MORN2: variants seen among roughly 807,000 people sequenced by gnomAD.
The protein encoded by MORN2 is MORN repeat containing 2.
In MORN2, 15 loss-of-function variants were observed where a neutral mutation model predicts 13.4. The ratio of observed to expected loss-of-function variants is 1.12; its 90% CI spans 0.75 to 1.72. The LOEUF (loss-of-function observed/expected upper bound fraction) is 1.72. MORN2 is among the 40% of genes most tolerant of loss of function. The probability of loss-of-function intolerance (pLI) is 0.00; values close to 1 mark genes in which losing one functional copy is unlikely to be tolerated. For synonymous variants in MORN2, 46 were observed against 43.6 expected (o/e 1.06, Z -0.22); for missense variants, 168 against 134.6 (o/e 1.25, Z -1.23).
chr2:38,882,341 C>A, intron 4 of MORN2, 72 bp from the exon 5 acceptor site: 2 of 887,636 alleles, frequency 2.3e-6, no homozygotes, highest in South Asian at 1.7e-5. Flanking sequence ...ATATATTATG[C>A]TAGAAAATCT....
chr2:38,881,221 C>G (rs534494065), intron 3 of MORN2, among the ~76,000 whole-genome samples: 1 of 152,086 alleles, frequency 6.6e-6, no homozygotes, highest in Non-Finnish European at 1.5e-5. Flanking sequence ...CCCTGATGTT[C>G]AAATGTCCCA....
intron 3 of MORN2, 122 bp downstream of exon 3, chr2:38,880,828 A>G: frequency 2.9e-6 from 3 of 1,048,232 alleles, no homozygotes; most frequent in Non-Finnish European, 4.0e-6. Context: ...AAAATAACAA[A>G]TGATCATATT....
At chr2:38,881,629 G>A (rs1665779506) in intron 4 of MORN2, 51 bp downstream of exon 4, 1 of 1,336,180 alleles carries the variant, frequency 7.5e-7, no homozygotes, top group Non-Finnish European at 1.0e-6. Flanking sequence ...ATTATTTTCT[G>A]GTATGTTTGC....
In MORN2 at chr2:38,882,639, AC is replaced by A; in HGVS notation, c.*126del. 1 of 566,836 alleles carries A rather than the reference AC, an allele frequency of 1.8e-6. No homozygotes were observed. Among genetic ancestry groups the A allele is most frequent in the South Asian group, 2.6e-5 (1 of 38,846 alleles). 35.1% of individuals were successfully genotyped at this position (566,836 alleles called of 1,614,324 possible). A position where few individuals can be genotyped will look rare whatever the true frequency, so the allele number is the denominator to read the frequency against. ...CTATAAGTTTGCCAATAAAACCATC[AC>A]CTGCTTACACCTTTTTGAACTTTAT... On this transcript the variant is annotated 3_prime_UTR_variant, in exon 5 of 5. Coordinates refer to ENST00000644631, the MANE Select transcript of MORN2 (RefSeq NM_001145450.3).
At position 38,882,652 on chromosome 2, in the gene MORN2, T is replaced by G. The variant is rs1173004385; in HGVS notation, c.*137T>G. The G allele has an allele frequency of 1.9e-6, 1 of 523,452 alleles. No homozygotes were observed. Among genetic ancestry groups the G allele is most frequent in the African/African-American group, 1.9e-5 (1 of 52,494 alleles). The allele number at this position is 523,452 out of a possible 1,614,324, so 32.4% of individuals were successfully genotyped here. A position where few individuals can be genotyped will look rare whatever the true frequency, so the allele number is the denominator to read the frequency against. On this transcript the variant is annotated 3_prime_UTR_variant, in exon 5 of 5. Coordinates refer to ENST00000644631, the MANE Select transcript of MORN2 (RefSeq NM_001145450.3). ...AATAAAACCATCACCTGCTTACACC[T>G]TTTTGAACTTTATATTCATTGTCTT...
intron 1 of MORN2, chr2:38,876,311 C>A (rs1045501537): frequency 2.6e-6 from 1 of 391,334 alleles, no homozygotes; most frequent in African/African-American, 2.1e-5. Context: ...TTGAGACACC[C>A]GAGGCGCGTG....
chr2:38,878,674 A>G (rs868740971), intron 1 of MORN2, among the ~76,000 whole-genome samples: 1 of 151,906 alleles, frequency 6.6e-6, no homozygotes, highest in Non-Finnish European at 1.5e-5. Context: ...TATTTCACCA[A>G]TTATATTATT....
At position 38,882,570 on chromosome 2, in the gene MORN2, A is replaced by T; in HGVS notation, c.*55A>T. 1 of 1,290,188 alleles carries T rather than the reference A, an allele frequency of 7.8e-7. No individual in the cohort carries two copies. The highest frequency in any genetic ancestry group is 1.3e-5 in the South Asian group (1 of 76,860). 79.9% of individuals were successfully genotyped at this position (1,290,188 alleles called of 1,614,324 possible). A position where few individuals can be genotyped will look rare whatever the true frequency, so the allele number is the denominator to read the frequency against. On this transcript the variant is annotated 3_prime_UTR_variant, in exon 5 of 5. Transcript: ENST00000644631. The stretch of plus-strand genomic sequence containing the variant: ...GTAATTGAAGCTTTTAGTTGTAAGG[A>T]AAGCAACTTAATCTGTTATTTGAAA...
chr2:38,876,051 A>T lies in MORN2; in HGVS notation c.-2A>T. 1 of 398,724 alleles carries T rather than the reference A, an allele frequency of 2.5e-6. No homozygotes were observed. Among genetic ancestry groups the T allele is most frequent in the Non-Finnish European group, 4.4e-6 (1 of 226,152 alleles). 24.7% of individuals were successfully genotyped at this position (398,724 alleles called of 1,614,324 possible). ...GCGCCTAGTTCTCTCCCGGCCGCAG[A>T]GCTGGCCGCCCAGGGGGAGTCGCAG... On this transcript the variant is annotated 5_prime_UTR_variant, in exon 1 of 5. Transcript: ENST00000644631.
In MORN2 at chr2:38,876,074, CAG is replaced by C. The variant is rs1665606166; in HGVS notation, c.25_26del (p.Ser9PhefsTer6). On this transcript the variant is annotated frameshift_variant, in exon 1 of 5. Coordinates refer to ENST00000644631, the MANE Select transcript of MORN2 (RefSeq NM_001145450.3). LOFTEE classifies it high-confidence loss of function. ...AGAGCTGGCCGCCCAGGGGGAGTCG[CAG>C]AGTTTGGAAGATCTCTCTAACACCT... The C allele has an allele frequency of 3.3e-5, 13 of 398,780 alleles. 1 individual carries two copies. The allele number at this position is 398,780 out of a possible 1,614,324, so 24.7% of individuals were successfully genotyped here.
intron 4 of MORN2, among the ~76,000 whole-genome samples, 194 bp from the exon 5 acceptor site, chr2:38,882,219 G>GGT (rs1258113155): frequency 5.6e-5 from 8 of 144,042 alleles, no homozygotes; most frequent in African/African-American, 2.0e-4. Context: ...AATAGTATGT[G>GGT]GTTTTTTTTT....
At chr2:38,881,618 G>C in intron 4 of MORN2, 40 bp downstream of exon 4, 1 of 1,394,396 alleles carries the variant, frequency 7.2e-7, no homozygotes, top group Non-Finnish European at 9.6e-7. Flanking sequence ...ATTTCTAAAA[G>C]ATTATTTTCT....
intron 3 of MORN2, 104 bp downstream of exon 3, chr2:38,880,810 A>G: frequency 1.7e-6 from 2 of 1,194,604 alleles, no homozygotes; most frequent in African/African-American, 1.6e-5. Flanking sequence ...TGAGTAGACT[A>G]TATAATAAAA....
chr2:38,880,733 A>G (rs1474923195), intron 3 of MORN2, 27 bp downstream of exon 3: 14 of 1,549,278 alleles, frequency 9.0e-6, no homozygotes, highest in African/African-American at 1.4e-5. Flanking sequence ...TAATATTGGC[A>G]GTGGATAAAT....
chr2:38,882,590 T>C lies in MORN2; in HGVS notation c.*75T>C. 1.9e-6 allele frequency: 2 copies of C among 1,080,854 alleles called. No individual in the cohort carries two copies. The highest frequency in any genetic ancestry group is 2.7e-6 in the Non-Finnish European group (2 of 732,856). The allele number at this position is 1,080,854 out of a possible 1,614,324, so 67.0% of individuals were successfully genotyped here. On this transcript the variant is annotated 3_prime_UTR_variant, in exon 5 of 5. Coordinates refer to ENST00000644631, the MANE Select transcript of MORN2 (RefSeq NM_001145450.3). ...TAAGGAAAGCAACTTAATCTGTTATTTGAAATGACTTCATACACTACCCCT... is the reference window on the plus strand; with the variant it reads ...TAAGGAAAGCAACTTAATCTGTTATCTGAAATGACTTCATACACTACCCCT...
rs1665775732 is a variant in MORN2 at position 38,881,464 on chromosome 2, A to C, written c.239A>C (p.Glu80Ala). 1 of 1,538,808 alleles carries C rather than the reference A, an allele frequency of 6.5e-7. No homozygotes were observed. The highest frequency in any genetic ancestry group is 1.4e-5 in the African/African-American group (1 of 72,178). The change falls in exon 4 of 5, where the codon GAG becomes GCG. Residue 80 changes from glutamate (E) to alanine (A), a missense_variant. Glu to Ala is a moderately radical substitution (Grantham distance 107). Transcript: ENST00000644631. ...CAGATGAATGGTTTTGGAAGACTTG[A>C]GCATTTTTCAGGAGCAGTATATGAA...
At chr2:38,879,727 T>C (rs1665733978) in intron 1 of MORN2, among the ~76,000 whole-genome samples, 1 of 152,136 alleles carries the variant, frequency 6.6e-6, no homozygotes, top group Admixed American at 6.5e-5. Flanking sequence ...TAAAATTAGA[T>C]TGTGATGATA....
intron 1 of MORN2, among the ~76,000 whole-genome samples, chr2:38,879,349 A>T (rs1665724993): frequency 6.6e-6 from 1 of 152,164 alleles, no homozygotes; most frequent in South Asian, 2.1e-4. Flanking sequence ...TAGCAGTATT[A>T]TTCATAATGG....
chr2:38,881,724 C>G, intron 4 of MORN2, 146 bp downstream of exon 4: 1 of 633,846 alleles, frequency 1.6e-6, no homozygotes, highest in Non-Finnish European at 2.4e-6. Context: ...GATCTCGGCT[C>G]ACTGCAACCT....
Sources: allele counts gnomAD v4.1 joint callset (sites outside exome capture counted in the v4.1 genomes callset), GRCh38; gene constraint gnomAD v4.1.1; transcripts MANE v1.5; gene names NCBI Gene and HGNC (gene_info 2026-07-23, HGNC 2026-07-21).